Variants in PATJ observed in about 807,000 individuals in gnomAD.
PATJ encodes PATJ crumbs cell polarity complex component, also known as inaD-like protein.
PATJ carries 190 observed loss-of-function variants against 224.9 expected under a neutral mutation model. That is an observed-to-expected ratio of 0.84 (90% CI 0.75 to 0.95). The LOEUF is 0.95. PATJ is among the 40% of genes least tolerant of loss of function. The pLI is 0.00. For missense variants in PATJ, 2,121 were observed against 2,270.3 expected (o/e 0.93, Z 1.34); for synonymous variants, 769 against 820.3 (o/e 0.94, Z 1.07).
In PATJ at chr1:61,784,801, G is replaced by C. The variant is rs145552729; in HGVS notation, c.850-2953G>C. On this transcript the variant is annotated intron_variant, in intron 7 of 43. Transcript: ENST00000642238. ...GTTGTTTCAAGTCTGTTGCATGCAT[G>C]AAAACAGAATATCAGATTATCACTA... 6.3e-4 allele frequency among the ~76,000 whole-genome samples: 96 copies of C among 152,316 alleles called. 1 individual carries two copies. The highest frequency in any genetic ancestry group is 2.2e-3 in the African/African-American group (90 of 41,572).
chr1:62,096,298 G>A, intron 33 of PATJ, among the ~76,000 whole-genome samples: 1 of 152,110 alleles, frequency 6.6e-6, no homozygotes, highest in East Asian at 1.9e-4. Flanking sequence ...CAAAAGTGCT[G>A]AGAGCATTGA....
chr1:62,084,279 T>C (rs1339324809), intron 32 of PATJ, among the ~76,000 whole-genome samples: 1 of 151,992 alleles, frequency 6.6e-6, no homozygotes, highest in East Asian at 1.9e-4. Context: ...TAAAATAAGA[T>C]TTAAAACTTT....
chr1:61,884,038 A>G (rs1258097976), intron 21 of PATJ, among the ~76,000 whole-genome samples, 199 bp from the exon 22 acceptor site: 9 of 152,028 alleles, frequency 5.9e-5, no homozygotes, highest in Admixed American at 5.2e-4. Flanking sequence ...AACAATTCCT[A>G]TATTCCTTCC....
intron 7 of PATJ, among the ~76,000 whole-genome samples, chr1:61,785,334 C>G (rs867387337): frequency 5.9e-5 from 9 of 152,302 alleles, no homozygotes; most frequent in South Asian, 2.1e-4. Context: ...TTACTATCTA[C>G]TAGCAGCCTT....
intron 11 of PATJ, among the ~76,000 whole-genome samples, chr1:61,799,175 A>T (rs530480870): frequency 2.0e-3 from 310 of 152,204 alleles, no homozygotes; most frequent in African/African-American, 6.1e-3. Context: ...CATTAAAAAA[A>T]TTTTTTTTAA....
chr1:61,765,240 A>T (rs868361509), intron 3 of PATJ, among the ~76,000 whole-genome samples: 3 of 151,290 alleles, frequency 2.0e-5, no homozygotes, highest in Non-Finnish European at 3.0e-5. Context: ...ATGCCCAGCT[A>T]ATTTTTGTAT....
intron 20 of PATJ, among the ~76,000 whole-genome samples, chr1:61,873,429 A>G (rs1404917772): frequency 2.6e-5 from 4 of 152,186 alleles, no homozygotes; most frequent in Admixed American, 6.5e-5. Context: ...TTGGCCTCCC[A>G]AAGTGCTGGG....
At chr1:62,053,662 T>C (rs1307116240) in intron 31 of PATJ, among the ~76,000 whole-genome samples, 1 of 151,776 alleles carries the variant, frequency 6.6e-6, no homozygotes, top group Non-Finnish European at 1.5e-5. Flanking sequence ...GAGGTTGCAG[T>C]GAGCCGAGAT....
At chr1:61,839,537 G>C (rs957784235) in intron 17 of PATJ, among the ~76,000 whole-genome samples, 14 of 151,440 alleles carry the variant, frequency 9.2e-5, no homozygotes, top group African/African-American at 2.7e-4. Context: ...CAAAAAGCTT[G>C]AAAAAAAATT....
At chr1:61,931,005 A>AT in intron 27 of PATJ, among the ~76,000 whole-genome samples, 1 of 151,970 alleles carries the variant, frequency 6.6e-6, no homozygotes, top group East Asian at 1.9e-4. Flanking sequence ...GCCCAGCCTA[A>AT]TTTTTTTATT....
chr1:61,869,667 A>G (rs939216037), intron 20 of PATJ, among the ~76,000 whole-genome samples: 2 of 152,188 alleles, frequency 1.3e-5, no homozygotes, highest in African/African-American at 4.8e-5. Flanking sequence ...GGGACTTGTG[A>G]CAGAGGTGCC....
Position 61,808,506 on chromosome 1 carries a change from T to C in PATJ, c.1659T>C (p.Asp553=). 1 of 1,608,336 alleles carries C rather than the reference T, an allele frequency of 6.2e-7. No individual in the cohort carries two copies. Among genetic ancestry groups the C allele is most frequent in the South Asian group, 1.1e-5 (1 of 90,536 alleles). ...VATLDTQIAD[D]AELQKYSKLL... The stretch of plus-strand genomic sequence containing the variant: ...CTTTGGACACACAGATTGCAGATGA[T>C]GCTGAGTTACAGAAATATTCAAAGG... The change falls in exon 14 of 44, where the codon GAT becomes GAC. Residue 553 remains aspartate (D), a synonymous_variant. Coordinates refer to ENST00000642238, the MANE Select transcript of PATJ (RefSeq NM_001350145.3).
At chr1:61,743,977 G>A (rs1416335743) in intron 1 of PATJ, among the ~76,000 whole-genome samples, 1 of 152,152 alleles carries the variant, frequency 6.6e-6, no homozygotes, top group East Asian at 1.9e-4. Context: ...GAAAGCCAGA[G>A]TTGGCCATTG....
intron 29 of PATJ, among the ~76,000 whole-genome samples, chr1:62,036,511 C>T (rs2148503955): frequency 6.6e-6 from 1 of 152,186 alleles, no homozygotes; most frequent in South Asian, 2.1e-4. Flanking sequence ...GCGTGTAAGA[C>T]ATCTAGTGGA....
At chr1:61,995,058 A>C (rs936677428) in intron 28 of PATJ, among the ~76,000 whole-genome samples, 2 of 152,228 alleles carry the variant, frequency 1.3e-5, no homozygotes, top group African/African-American at 4.8e-5. Flanking sequence ...TGAGTATAGG[A>C]AATTTATTTA....
chr1:62,100,224 TC>T (rs1661977457), intron 33 of PATJ: 1 of 572,636 alleles, frequency 1.7e-6, no homozygotes, highest in African/African-American at 1.9e-5. Context: ...TATTTTACCA[TC>T]AGAAGCTTGG....
chr1:62,054,969 C>T (rs1004521074), intron 31 of PATJ, among the ~76,000 whole-genome samples: 4 of 151,842 alleles, frequency 2.6e-5, no homozygotes, highest in South Asian at 2.1e-4. Flanking sequence ...GCAGGAGAAT[C>T]GCTTGAATCT....
At chr1:61,806,319 T>G (rs1256208352) in intron 13 of PATJ, among the ~76,000 whole-genome samples, 8 of 152,304 alleles carry the variant, frequency 5.3e-5, no homozygotes, top group Admixed American at 3.3e-4. Context: ...GAATTTTCAG[T>G]GTCATTAAGA....
intron 27 of PATJ, among the ~76,000 whole-genome samples, chr1:61,977,387 G>T (rs770942424): frequency 6.6e-6 from 1 of 152,100 alleles, no homozygotes; most frequent in Non-Finnish European, 1.5e-5. Context: ...ACTGTGCCCA[G>T]CCCAAACTGG....
Sources: gnomAD v4.1 joint callset for allele counts (sites outside exome capture counted in the v4.1 genomes callset) on GRCh38, gnomAD v4.1.1 for gene constraint, MANE v1.5 for transcripts, NCBI Gene and HGNC (gene_info 2026-07-23, HGNC 2026-07-21) for gene names.